The following RABGAP1 variants were observed in gnomAD, a reference collection of about 807,000 sequenced individuals.
RABGAP1 encodes the protein RAB GTPase activating protein 1, also known as rab GTPase-activating protein 1.
Under a neutral mutation model 137.6 loss-of-function variants are expected in RABGAP1, and 23 were observed. The ratio of observed to expected loss-of-function variants is 0.17; its 90% CI spans 0.12 to 0.24. RABGAP1 has a LOEUF of 0.24. Among genes scored for constraint, RABGAP1 ranks in the 10% least tolerant of loss-of-function variants. RABGAP1 has a pLI of 1.00. For synonymous variants in RABGAP1, 451 were observed against 450.7 expected, an observed-to-expected ratio of 1.00 and a Z score of -0.01; for missense variants, 906 against 1,275.8, an observed-to-expected ratio of 0.71 and a Z score of 4.42.
intron 19 of RABGAP1, among the ~76,000 whole-genome samples, chr9:123,078,697 C>T (rs998395813): frequency 6.6e-6 from 1 of 152,112 alleles, no homozygotes; most frequent in South Asian, 2.1e-4. Flanking sequence ...TCTCAGTGTC[C>T]CCATCTCAAT....
chr9:123,077,693 T>TG (rs79926856), intron 19 of RABGAP1, among the ~76,000 whole-genome samples: 19 of 149,298 alleles, frequency 1.3e-4, no homozygotes, highest in South Asian at 2.1e-4. Flanking sequence ...TGTATTGTAT[T>TG]TATTTTCTGT....
At chr9:122,955,262 T>C (rs769195283) in intron 1 of RABGAP1, among the ~76,000 whole-genome samples, 5 of 152,230 alleles carry the variant, frequency 3.3e-5, no homozygotes, top group Admixed American at 6.5e-5. Flanking sequence ...TCAGTACTTA[T>C]TAGGTACGAT....
At chr9:123,102,646 G>A (rs1442091154) in intron 25 of RABGAP1, among the ~76,000 whole-genome samples, 1 of 152,130 alleles carries the variant, frequency 6.6e-6, no homozygotes, top group East Asian at 1.9e-4. Context: ...GGAGGAGAGT[G>A]GCTGCCCAGG....
intron 13 of RABGAP1, chr9:123,034,590 T>A: frequency 6.2e-7 from 1 of 1,608,232 alleles, no homozygotes; most frequent in South Asian, 1.1e-5. Context: ...TGGATGGTAA[T>A]CAGAGCAGCC....
chr9:123,091,606 A>G (rs189780423), intron 21 of RABGAP1, among the ~76,000 whole-genome samples: 16 of 152,274 alleles, frequency 1.1e-4, no homozygotes, highest in African/African-American at 3.9e-4. Context: ...AGAGAATTAC[A>G]TAATTAGATG....
chr9:123,066,143 A>G (rs2034164229), intron 14 of RABGAP1, among the ~76,000 whole-genome samples: 2 of 152,230 alleles, frequency 1.3e-5, no homozygotes, highest in African/African-American at 2.4e-5. Context: ...GGCATGAGAC[A>G]TGTCGCTAAT....
At chr9:123,019,054 T>G (rs1438236337) in intron 12 of RABGAP1, among the ~76,000 whole-genome samples, 2 of 152,226 alleles carry the variant, frequency 1.3e-5, no homozygotes, top group African/African-American at 4.8e-5. Context: ...CTCAGATGGT[T>G]GTTCTGAAGG....
At chr9:123,060,333 C>T (rs1397579400) in intron 13 of RABGAP1, among the ~76,000 whole-genome samples, 1 of 152,154 alleles carries the variant, frequency 6.6e-6, no homozygotes, top group Non-Finnish European at 1.5e-5. Flanking sequence ...GTTTCTGTCA[C>T]CATGGGCTTT....
chr9:123,015,094 A>G (rs772881300), intron 11 of RABGAP1, among the ~76,000 whole-genome samples: 13 of 152,180 alleles, frequency 8.5e-5, no homozygotes, highest in Non-Finnish European at 1.6e-4. Flanking sequence ...ATAAATGTCA[A>G]CATGCAATTG....
At chr9:122,956,645 G>A (rs1284570659) in intron 1 of RABGAP1, among the ~76,000 whole-genome samples, 9 of 44,344 alleles carry the variant, frequency 2.0e-4, no homozygotes, top group African/African-American at 3.6e-4. Flanking sequence ...GTGAGACTCC[G>A]TCTCAAAAAA....
chr9:122,949,118 G>A (rs1180586956), intron 1 of RABGAP1, among the ~76,000 whole-genome samples: 14 of 152,212 alleles, frequency 9.2e-5, no homozygotes, highest in Admixed American at 9.2e-4. Context: ...GCTCACGCTT[G>A]TAATCCCAGC....
chr9:122,960,110 T>G (rs1306191866), intron 2 of RABGAP1, among the ~76,000 whole-genome samples: 1 of 152,124 alleles, frequency 6.6e-6, no homozygotes, highest in Admixed American at 6.6e-5. Context: ...TGGGGAAGAT[T>G]GGTAGATTGA....
intron 13 of RABGAP1, among the ~76,000 whole-genome samples, chr9:123,035,886 A>G (rs2032629789): frequency 6.6e-6 from 1 of 152,154 alleles, no homozygotes. Flanking sequence ...GGAAATGACT[A>G]CAGTTCTCAG....
intron 19 of RABGAP1, among the ~76,000 whole-genome samples, chr9:123,086,955 G>T (rs953197806): frequency 6.6e-6 from 1 of 152,134 alleles, no homozygotes; most frequent in Non-Finnish European, 1.5e-5. Context: ...ACAGCATTCT[G>T]TTTTTCCTAA....
chr9:122,962,083 T>G (rs1006761101), intron 2 of RABGAP1, among the ~76,000 whole-genome samples: 1 of 152,166 alleles, frequency 6.6e-6, no homozygotes, highest in African/African-American at 2.4e-5. Context: ...TTTATAGATA[T>G]AATGTGTATA....
intron 13 of RABGAP1, among the ~76,000 whole-genome samples, chr9:123,049,627 A>G (rs1335956430): frequency 6.6e-6 from 1 of 152,116 alleles, no homozygotes; most frequent in Non-Finnish European, 1.5e-5. Context: ...TTATAATTTC[A>G]TTTGGTTTAA....
At chr9:122,953,635 G>A (rs1834366759) in intron 1 of RABGAP1, among the ~76,000 whole-genome samples, 2 of 152,164 alleles carry the variant, frequency 1.3e-5, no homozygotes, top group Admixed American at 6.5e-5. Context: ...TCTTGACCTC[G>A]TGATCCACCC....
chr9:122,948,303 A>G (rs1378222836), intron 1 of RABGAP1, among the ~76,000 whole-genome samples: 1 of 152,116 alleles, frequency 6.6e-6, no homozygotes, highest in Admixed American at 6.6e-5. Flanking sequence ...ATGGATTGGA[A>G]TTGGGAGAGG....
At chr9:123,021,390 C>T (rs889400176) in intron 13 of RABGAP1, among the ~76,000 whole-genome samples, 11 of 128,492 alleles carry the variant, frequency 8.6e-5, no homozygotes, top group African/African-American at 2.8e-4. Context: ...GTGGCATGAT[C>T]TAGGCTCACC....
Sources: gnomAD v4.1 joint callset for allele counts (sites outside exome capture counted in the v4.1 genomes callset) on GRCh38, gnomAD v4.1.1 for gene constraint, MANE v1.5 for transcripts, NCBI Gene and HGNC (gene_info 2026-07-23, HGNC 2026-07-21) for gene names.